Variants in NFIB observed in about 807,000 individuals in gnomAD.
The protein encoded by NFIB is nuclear factor I B, also known as nuclear factor 1 B-type.
NFIB carries 11 observed loss-of-function variants against 61.5 expected under a neutral mutation model. The ratio of observed to expected loss-of-function variants is 0.18; its 90% CI spans 0.11 to 0.30. The LOEUF is 0.30. Among genes scored for constraint, NFIB ranks in the 10% least tolerant of loss-of-function variants. NFIB has a pLI of 1.00. For missense variants in NFIB, 471 were observed against 608.9 expected (o/e 0.77, Z 2.38); for synonymous variants, 260 against 216.5 (o/e 1.20, Z -1.76).
chr9:14,510,940 A>G, the NFIB span, among the ~76,000 whole-genome samples: 1 of 152,174 alleles, frequency 6.6e-6, no homozygotes, highest in Admixed American at 6.5e-5. Flanking sequence ...TCAAGTATTA[A>G]TATTTCAGAT....
At chr9:14,427,839 G>A in the NFIB span, among the ~76,000 whole-genome samples, 1 of 150,910 alleles carries the variant, frequency 6.6e-6, no homozygotes, top group Non-Finnish European at 1.5e-5. Context: ...ATGCCTAAAG[G>A]GGATTTTTGG....
intron 10 of NFIB, among the ~76,000 whole-genome samples, chr9:14,092,459 A>C (rs187502437): frequency 4.3e-4 from 65 of 152,152 alleles, no homozygotes; most frequent in African/African-American, 1.4e-3. Context: ...TCCTTGCCCA[A>C]AGTCTCCCAC....
intron 2 of NFIB, among the ~76,000 whole-genome samples, chr9:14,255,763 C>T (rs981246273): frequency 2.6e-5 from 4 of 152,216 alleles, no homozygotes; most frequent in African/African-American, 9.7e-5. Flanking sequence ...ACTGATGAGT[C>T]TTGGTGTGTT....
intron 2 of NFIB, among the ~76,000 whole-genome samples, chr9:14,220,804 C>T (rs1052550076): frequency 4.0e-5 from 6 of 148,976 alleles, no homozygotes; most frequent in East Asian, 2.0e-4. Context: ...TTCCACCACC[C>T]GAAGTTTCTG....
At chr9:14,331,685 G>A (rs1050919199) in intron 1 of NFIB, among the ~76,000 whole-genome samples, 4 of 152,136 alleles carry the variant, frequency 2.6e-5, no homozygotes, top group Admixed American at 6.5e-5. Context: ...TTGACTTTTT[G>A]GGTTCAAATC....
chr9:14,438,900 G>C, the NFIB span, among the ~76,000 whole-genome samples: 1 of 152,126 alleles, frequency 6.6e-6, no homozygotes, highest in Non-Finnish European at 1.5e-5. Flanking sequence ...GGTGGAGAGA[G>C]GGATTGCTGA....
At chr9:14,175,789 A>G (rs1447904638) in intron 3 of NFIB, among the ~76,000 whole-genome samples, 1 of 152,236 alleles carries the variant, frequency 6.6e-6, no homozygotes, top group Non-Finnish European at 1.5e-5. Flanking sequence ...AAAAGTTTAT[A>G]TCATAAAATT....
chr9:14,438,888 G>A, the NFIB span, among the ~76,000 whole-genome samples: 2 of 152,196 alleles, frequency 1.3e-5, no homozygotes, highest in African/African-American at 2.4e-5. Context: ...AGAGGGACAT[G>A]GGGTGGAGAG....
intron 2 of NFIB, among the ~76,000 whole-genome samples, chr9:14,190,610 T>C (rs1258111727): frequency 6.6e-6 from 1 of 152,164 alleles, no homozygotes; most frequent in Non-Finnish European, 1.5e-5. Context: ...CCAACATTTT[T>C]GAAAAGGGAT....
At chr9:14,422,776 C>T in the NFIB span, among the ~76,000 whole-genome samples, 1 of 152,146 alleles carries the variant, frequency 6.6e-6, no homozygotes, top group Non-Finnish European at 1.5e-5. Context: ...GAGGAAGGTG[C>T]AGAGTGCTGT....
the NFIB span, among the ~76,000 whole-genome samples, chr9:14,471,416 C>T: frequency 1.3e-5 from 2 of 152,104 alleles, no homozygotes; most frequent in East Asian, 1.9e-4. Flanking sequence ...ATGTGGAATG[C>T]CCCCCAGAAG....
At chr9:14,196,874 A>C (rs531628929) in intron 2 of NFIB, among the ~76,000 whole-genome samples, 5 of 152,310 alleles carry the variant, frequency 3.3e-5, no homozygotes, top group African/African-American at 9.6e-5. Context: ...GTCAAATCGT[A>C]TGGAATTCCT....
chr9:14,122,274 G>GA (rs1371680797), intron 7 of NFIB, among the ~76,000 whole-genome samples: 3 of 152,014 alleles, frequency 2.0e-5, no homozygotes, highest in South Asian at 4.1e-4. Context: ...GTATAGAATA[G>GA]AAAAAACATA....
chr9:14,441,160 G>T, the NFIB span, among the ~76,000 whole-genome samples: 3 of 139,252 alleles, frequency 2.2e-5, no homozygotes. Flanking sequence ...AAAGGAGAGA[G>T]AAAACAAAAA....
intron 1 of NFIB, among the ~76,000 whole-genome samples, chr9:14,381,874 G>C (rs778242624): frequency 6.6e-6 from 1 of 152,252 alleles, no homozygotes. Context: ...AATGAATAAG[G>C]GTGAAACGTT....
At chr9:14,097,287 A>G (rs1287897026) in intron 10 of NFIB, among the ~76,000 whole-genome samples, 5 of 152,166 alleles carry the variant, frequency 3.3e-5, no homozygotes, top group Admixed American at 6.5e-5. Flanking sequence ...TTCATCTACC[A>G]TATCAGCATT....
intron 2 of NFIB, among the ~76,000 whole-genome samples, chr9:14,260,961 G>C (rs900158201): frequency 1.4e-5 from 2 of 147,432 alleles, no homozygotes; most frequent in African/African-American, 5.0e-5. Flanking sequence ...AAACCTGTAG[G>C]TATACTAAAT....
At chr9:14,216,661 G>C (rs1490827804) in intron 2 of NFIB, among the ~76,000 whole-genome samples, 1 of 151,850 alleles carries the variant, frequency 6.6e-6, no homozygotes, top group East Asian at 1.9e-4. Flanking sequence ...GAGAGACGCT[G>C]TGTCCTCCAA....
In NFIB at chr9:14,386,393, T is replaced by C. The variant is rs56256940; in HGVS notation, c.108+12131A>G. Reference sequence around the variant, plus strand: ...CAAGAAACTCTGCCCCTAGCAAAAGTCCAACTTCGAAGGTCCTGTCTCCTG... The same window carrying C: ...CAAGAAACTCTGCCCCTAGCAAAAGCCCAACTTCGAAGGTCCTGTCTCCTG... On this transcript the variant is annotated intron_variant, in intron 1 of 8. Coordinates refer to the NFIB transcript ENST00000380934. Among the ~76,000 whole-genome samples, 140 of 152,248 alleles carry C rather than the reference T, an allele frequency of 9.2e-4. 1 individual carries two copies. Among genetic ancestry groups the C allele is most frequent in the African/African-American group, 3.2e-3 (134 of 41,554 alleles).
Sources: allele counts gnomAD v4.1 joint callset (sites outside exome capture counted in the v4.1 genomes callset), GRCh38; gene constraint gnomAD v4.1.1; transcripts MANE v1.5; gene names NCBI Gene and HGNC (gene_info 2026-07-23, HGNC 2026-07-21).